NHLH2: variants seen among roughly 807,000 people sequenced by gnomAD.
NHLH2 encodes helix-loop-helix protein 2.
Under a neutral mutation model 7.3 loss-of-function variants are expected in NHLH2, and 7 were observed. That is an observed-to-expected ratio of 0.96 (90% CI 0.55 to 1.81). The LOEUF is 1.81. NHLH2 is among the 40% of genes most tolerant of loss of function. The pLI, the probability that NHLH2 is intolerant of heterozygous loss-of-function variation, is 0.00. For missense variants in NHLH2, 155 were observed against 194.0 expected, an observed-to-expected ratio of 0.80 and a Z score of 1.19; for synonymous variants, 93 against 91.6, an observed-to-expected ratio of 1.01 and a Z score of -0.09.
At chr1:115,832,066 C>A (rs1650767168), downstream of NHLH2, among the ~76,000 whole-genome samples, 1 of 152,172 alleles carries the variant, frequency 6.6e-6, no homozygotes, top group African/African-American at 2.4e-5. Flanking sequence ...CCCTCTGCTT[C>A]TAGACCTATC....
At position 115,837,583 on chromosome 1, in the gene NHLH2, T is replaced by C. The variant is rs529661805; in HGVS notation, c.*382A>G. 2 of 236,110 alleles carry C rather than the reference T, an allele frequency of 8.5e-6. No homozygotes were observed. Among genetic ancestry groups the C allele is most frequent in the African/African-American group, 4.7e-5 (2 of 42,606 alleles). 14.6% of individuals were successfully genotyped at this position (236,110 alleles called of 1,614,324 possible). ...TATGAGCCTGCATACTCTGAACTTC[T>C]GCCCTCATTCTTTCAACACATTAAG... On this transcript the variant is annotated 3_prime_UTR_variant, in exon 3 of 3. Transcript: ENST00000320238.
chr1:115,840,743 A>AT (rs34163403), intron 1 of NHLH2, 199 bp from the exon 2 acceptor site: 5,078 of 141,872 alleles, frequency 0.036, 170 homozygotes, highest in African/African-American at 0.077. Context: ...CTCAGAAGTG[A>AT]TTTTTTTTTT....
chr1:115,832,788 T>C (rs1650782615), downstream of NHLH2, among the ~76,000 whole-genome samples: 1 of 152,186 alleles, frequency 6.6e-6, no homozygotes, highest in Non-Finnish European at 1.5e-5. Context: ...ACGGAAAGCT[T>C]TGTAATGATA....
chr1:115,831,987 C>A (rs924708725), downstream of NHLH2, among the ~76,000 whole-genome samples: 5 of 151,836 alleles, frequency 3.3e-5, no homozygotes, highest in Admixed American at 1.3e-4. Flanking sequence ...CGTACACACA[C>A]ATTGGATGTG....
Position 115,837,805 on chromosome 1 carries a change from G to T in NHLH2, c.*160C>A. ...GGAAACCTTCCCTCGTCGCCCTGCT[G>T]ACCAGAGAGAACAGGTAGCGAGCTT... On this transcript the variant is annotated 3_prime_UTR_variant, in exon 3 of 3. Transcript: ENST00000320238. 1 of 776,450 alleles carries T rather than the reference G, an allele frequency of 1.3e-6. No homozygotes were observed. Among genetic ancestry groups the T allele is most frequent in the Non-Finnish European group, 1.9e-6 (1 of 518,576 alleles). 48.1% of individuals were successfully genotyped at this position (776,450 alleles called of 1,614,324 possible).
At chr1:115,838,656 C>T (rs1298345166) in intron 2 of NHLH2, 3 of 389,086 alleles carry the variant, frequency 7.7e-6, no homozygotes, top group Non-Finnish European at 1.4e-5. Flanking sequence ...CCACAGCGGG[C>T]CTGTGGCCCT....
chr1:115,836,747 A>G lies in NHLH2; in HGVS notation c.*1218T>C, dbSNP rs1367368457. On this transcript the variant is annotated 3_prime_UTR_variant, in exon 3 of 3. Coordinates refer to ENST00000320238, the MANE Select transcript of NHLH2 (RefSeq NM_005599.3). ...ACACGCACAAACATCACACACACAA[A>G]GAAGCTACTCTCCTTATAAACAGCT... The G allele has an allele frequency of 2.0e-5, 3 of 152,248 alleles. No individual in the cohort carries two copies. Among genetic ancestry groups the G allele is most frequent in the Non-Finnish European group, 4.4e-5 (3 of 68,010 alleles). The allele number at this position is 152,248 out of a possible 1,614,324, so 9.4% of individuals were successfully genotyped here.
downstream of NHLH2, among the ~76,000 whole-genome samples, chr1:115,835,071 G>A (rs1307369844): frequency 3.9e-5 from 6 of 152,118 alleles, no homozygotes; most frequent in Admixed American, 2.0e-4. Flanking sequence ...GAAATCACAT[G>A]GGTTGCATAG....
intron 2 of NHLH2, chr1:115,838,669 G>C (rs1650960179): frequency 2.7e-6 from 1 of 374,962 alleles, no homozygotes; most frequent in Non-Finnish European, 4.9e-6. Flanking sequence ...GTGGCCCTGG[G>C]CCTGGGGAAC....
At position 115,838,232 on chromosome 1, in the gene NHLH2, G is replaced by A. The variant is rs1464281835; in HGVS notation, c.141C>T (p.Asp47=). Residue 47 remains aspartate, a synonymous_variant, in exon 3 of 3, where the codon GAC becomes GAT. Coordinates refer to ENST00000320238, the MANE Select transcript of NHLH2 (RefSeq NM_005599.3). ...DLEPVEEAEG[D]GKGGSRAALY... is the part of the protein sequence containing the mutation. ...GCGCGGCTCGGCTGCCGCCCTTGCC[G>A]TCGCCCTCGGCCTCCTCCACCGGCT... 1 of 1,559,746 alleles carries A rather than the reference G, an allele frequency of 6.4e-7. No individual in the cohort carries two copies. Among genetic ancestry groups the A allele is most frequent in the East Asian group, 2.4e-5 (1 of 41,416 alleles).
rs1429739555 is a variant in NHLH2 at position 115,836,513 on chromosome 1, A to T, written c.*1452T>A. ...TATAAAGCAACAGAGACACAAAAAA[A>T]CCCTGAAAAAGACTAAAATCTTTGG... On this transcript the variant is annotated 3_prime_UTR_variant, in exon 3 of 3. Coordinates refer to ENST00000320238, the MANE Select transcript of NHLH2 (RefSeq NM_005599.3). 1 of 152,578 alleles carries T rather than the reference A, an allele frequency of 6.6e-6. No homozygotes were observed. Among genetic ancestry groups the T allele is most frequent in the Non-Finnish European group, 1.5e-5 (1 of 68,002 alleles). The allele number at this position is 152,578 out of a possible 1,614,324, so 9.5% of individuals were successfully genotyped here.
downstream of NHLH2, among the ~76,000 whole-genome samples, chr1:115,835,629 T>C (rs1397865334): frequency 6.6e-6 from 1 of 152,220 alleles, no homozygotes; most frequent in Non-Finnish European, 1.5e-5. Context: ...ACATTTTATA[T>C]GCATAAGGCC....
In NHLH2 at chr1:115,837,914, G is replaced by C. The variant is rs751252266; in HGVS notation, c.*51C>G. 1.9e-6 allele frequency: 3 copies of C among 1,560,408 alleles called. No homozygotes were observed. The highest frequency in any genetic ancestry group is 2.6e-6 in the Non-Finnish European group (3 of 1,155,340). The stretch of plus-strand genomic sequence containing the variant: ...CGAGCGACGGCGCCCGTCCGGATCC[G>C]TAGCGTTTCGCGGACGCCGGGACAG... On this transcript the variant is annotated 3_prime_UTR_variant, in exon 3 of 3. Coordinates refer to ENST00000320238, the MANE Select transcript of NHLH2 (RefSeq NM_005599.3).
In NHLH2 at chr1:115,838,115, C is replaced by T. The variant is rs1438878488; in HGVS notation, c.258G>A (p.Glu86=). Residue 86 remains glutamate, a synonymous_variant, in exon 3 of 3, where the codon GAG becomes GAA. Coordinates refer to ENST00000320238, the MANE Select transcript of NHLH2 (RefSeq NM_005599.3). Reference sequence around the variant, plus strand: ...AGTTGAAGGCTTCCACGCGGATGCGCTCGCGGGTGGCGTGGGCCGAGCGGT... The same window carrying T: ...AGTTGAAGGCTTCCACGCGGATGCGTTCGCGGGTGGCGTGGGCCGAGCGGT... ...AKYRSAHATR[E]RIRVEAFNLA... The T allele has an allele frequency of 1.2e-6, 2 of 1,605,268 alleles. No individual in the cohort carries two copies. The highest frequency in any genetic ancestry group is 4.6e-5 in the East Asian group (2 of 43,876).
chr1:115,833,055 T>G (rs529232906), downstream of NHLH2, among the ~76,000 whole-genome samples: 1 of 152,264 alleles, frequency 6.6e-6, no homozygotes, highest in East Asian at 1.9e-4. Flanking sequence ...ATGCCTAGAT[T>G]GGGAACTTGA....
Position 115,838,054 on chromosome 1 carries a change from G to A in NHLH2, c.319C>T (p.Leu107=). The part of the protein sequence containing the change: ...FAELRKLLPT[L]PPDKKLSKIE... ...TTGGAGAGCTTCTTGTCCGGGGGCAGCGTGGGCAGCAATTTGCGGAGCTCG... is the reference window on the plus strand; with the variant it reads ...TTGGAGAGCTTCTTGTCCGGGGGCAACGTGGGCAGCAATTTGCGGAGCTCG... The change falls in exon 3 of 3, where the codon CTG becomes TTG. Residue 107 remains leucine (L), a synonymous_variant. Coordinates refer to ENST00000320238, the MANE Select transcript of NHLH2 (RefSeq NM_005599.3). The A allele has an allele frequency of 6.2e-7, 1 of 1,609,742 alleles. No homozygotes were observed.
chr1:115,831,857 G>A (rs1008675351), downstream of NHLH2, among the ~76,000 whole-genome samples: 2 of 151,670 alleles, frequency 1.3e-5, no homozygotes, highest in Admixed American at 1.3e-4. Flanking sequence ...GGGAGGTGGA[G>A]GTTGCAGTGA....
chr1:115,839,737 A>G (rs909071678), intron 2 of NHLH2: 3 of 166,946 alleles, frequency 1.8e-5, no homozygotes, highest in African/African-American at 4.8e-5. Flanking sequence ...GGCGACGTAT[A>G]GGAGCGTTTG....
chr1:115,832,662 C>T (rs2101190676), downstream of NHLH2, among the ~76,000 whole-genome samples: 1 of 152,296 alleles, frequency 6.6e-6, no homozygotes, highest in Admixed American at 6.5e-5. Context: ...AGGGCCCGAA[C>T]TTGGCTCCAG....
Sources: gnomAD v4.1 joint callset for allele counts (sites outside exome capture counted in the v4.1 genomes callset) on GRCh38, gnomAD v4.1.1 for gene constraint, MANE v1.5 for transcripts, NCBI Gene and HGNC (gene_info 2026-07-23, HGNC 2026-07-21) for gene names.